The following STAC3 variants were observed in gnomAD, a reference collection of about 807,000 sequenced individuals.
The protein encoded by STAC3 is SH3 and cysteine-rich domain-containing protein 3.
In STAC3, 30 loss-of-function variants were observed where a neutral mutation model predicts 48.5. That is an observed-to-expected ratio of 0.62 (90% confidence interval 0.46 to 0.84). The LOEUF (loss-of-function observed/expected upper bound fraction) is 0.84, where lower values mean the gene tolerates loss of function less well. Ranked by LOEUF, STAC3 falls within the 40% of genes least tolerant of loss-of-function variation. The pLI is 0.00. For synonymous variants in STAC3, 144 were observed against 158.6 expected, an observed-to-expected ratio of 0.91 and a Z score of 0.69; for missense variants, 419 against 462.6, an observed-to-expected ratio of 0.91 and a Z score of 0.86.
At chr12:57,247,684 A>G (rs1359273177) in intron 5 of STAC3, among the ~76,000 whole-genome samples, 1 of 152,008 alleles carries the variant, frequency 6.6e-6, no homozygotes, top group East Asian at 1.9e-4. Context: ...CGGCCTCCCA[A>G]AGTGCTGGGA....
At chr12:57,248,463 C>G (rs2037815028) in intron 4 of STAC3, 1 of 575,206 alleles carries the variant, frequency 1.7e-6, no homozygotes, top group African/African-American at 1.9e-5. Flanking sequence ...ACTGCAAGCT[C>G]CGCCTCCCGA....
At chr12:57,248,086 A>G (rs377651818) in intron 5 of STAC3, 40 bp downstream of exon 5, 1 of 1,556,178 alleles carries the variant, frequency 6.4e-7, no homozygotes, top group African/African-American at 1.4e-5. Flanking sequence ...AACCATCTCT[A>G]GGCTTGCCCA....
Position 57,244,564 on chromosome 12 carries a change from G to A in STAC3, c.779C>T (p.Ala260Val), listed in dbSNP as rs746895290. The change falls in exon 9 of 12, where the codon GCC becomes GTC. Residue 260 changes from alanine (A) to valine (V), a missense_variant. By Grantham distance (64) the Ala-to-Val change is moderately conservative (BLOSUM62 0). Transcript: ENST00000332782. ...HYFVALYRFK[A>V]LEKDDLDFPP... ...GAAATCCAGATCGTCCTTCTCCAGG[G>A]CTTTGAACCGATAGAGAGCCACAAA... The A allele has an allele frequency of 1.1e-5, 17 of 1,614,194 alleles. No homozygotes were observed. Among genetic ancestry groups the A allele is most frequent in the East Asian group, 4.5e-5 (2 of 44,882 alleles).
In STAC3 at chr12:57,244,224, C is replaced by A; in HGVS notation, c.860G>T (p.Gly287Val). Residue 287 changes from glycine (G) to valine (V), a missense_variant and splice_region_variant, in exon 11 of 12, where the codon GGG (glycine) becomes GTG (valine). Transcript: ENST00000332782. ...AAATCCGACCTTCTCCCCGATTTTC[C>A]CCTAGGGAAGATAGTAGGGAGAGTC... ...IDDSNEEWWR[G>V]KIGEKVGFFP... 1 of 1,614,186 alleles carries A rather than the reference C, an allele frequency of 6.2e-7. No individual in the cohort carries two copies. The highest frequency in any genetic ancestry group is 8.5e-7 in the Non-Finnish European group (1 of 1,180,040).
chr12:57,243,545 C>T lies in STAC3; in HGVS notation c.*267G>A, dbSNP rs1424622812. 1 of 450,656 alleles carries T rather than the reference C, an allele frequency of 2.2e-6. No homozygotes were observed. The highest frequency in any genetic ancestry group is 4.4e-6 in the Non-Finnish European group (1 of 227,532). The allele number at this position is 450,656 out of a possible 1,614,324, so 27.9% of individuals were successfully genotyped here. The stretch of plus-strand genomic sequence containing the variant: ...CCCCCCGCCCCAGTCCCTGGCTCCT[C>T]CTAGTAGATACGCGTTTTTTTCCAG... On this transcript the variant is annotated 3_prime_UTR_variant, in exon 12 of 12. Transcript: ENST00000332782.
In STAC3 at chr12:57,245,136, A is replaced by G; in HGVS notation, c.670+9T>C. The G allele has an allele frequency of 1.9e-6, 3 of 1,613,622 alleles. No individual in the cohort carries two copies. The highest frequency in any genetic ancestry group is 2.5e-6 in the Non-Finnish European group (3 of 1,179,662). ...ACTCCATCTCTGGATGGAGGTGGGTAACACTCACCATCCTGGGGTTTGCCT... is the reference window on the plus strand; with the variant it reads ...ACTCCATCTCTGGATGGAGGTGGGTGACACTCACCATCCTGGGGTTTGCCT... On this transcript the variant is annotated intron_variant, in intron 7 of 11. Transcript: ENST00000332782.
chr12:57,243,559 GT>G lies in STAC3; in HGVS notation c.*252del, dbSNP rs529140972. The G allele has an allele frequency of 4.1e-4, 276 of 674,582 alleles. 3 individuals are homozygous for G. In the East Asian group the frequency reaches 7.7e-3, roughly 19 times the overall value. The allele number at this position is 674,582 out of a possible 1,614,324, so 41.8% of individuals were successfully genotyped here. A position where few individuals can be genotyped will look rare whatever the true frequency, so the allele number is the denominator to read the frequency against. On this transcript the variant is annotated 3_prime_UTR_variant, in exon 12 of 12. Coordinates refer to ENST00000332782, the MANE Select transcript of STAC3 (RefSeq NM_145064.3). ...CCCTGGCTCCTCCTAGTAGATACGC[GT>G]TTTTTTCCAGCTCTTGCAAGCGGGG...
At position 57,250,155 on chromosome 12, in the gene STAC3, T is replaced by C. The variant is rs1228157356; in HGVS notation, c.-1-518A>G. ...CTGTAATCCCAGCACTTTGGGAGGCTGAGGCAGGCGGATCACTAGAGATCA... is the reference window on the plus strand; with the variant it reads ...CTGTAATCCCAGCACTTTGGGAGGCCGAGGCAGGCGGATCACTAGAGATCA... On this transcript the variant is annotated intron_variant, in intron 1 of 11. Transcript: ENST00000332782. Among the ~76,000 whole-genome samples the C allele has an allele frequency of 3.3e-5, 5 of 151,988 alleles. No individual in the cohort carries two copies. The East Asian group carries it at 9.6e-4, about 29-fold the overall frequency.
At position 57,251,155 on chromosome 12, in the gene STAC3, C is replaced by T; in HGVS notation, c.-164G>A. 1 of 455,200 alleles carries T rather than the reference C, an allele frequency of 2.2e-6. No individual in the cohort carries two copies. The highest frequency in any genetic ancestry group is 4.4e-6 in the Non-Finnish European group (1 of 226,738). 28.2% of individuals were successfully genotyped at this position (455,200 alleles called of 1,614,324 possible). On this transcript the variant is annotated 5_prime_UTR_variant, in exon 1 of 12. Transcript: ENST00000332782. ...TACCCAGTCGCTATTTGTAGACCTCCTAGCCTCCTGCCTTGGTGTCAGGGC... is the reference window on the plus strand; with the variant it reads ...TACCCAGTCGCTATTTGTAGACCTCTTAGCCTCCTGCCTTGGTGTCAGGGC...
chr12:57,245,113 T>C (rs1486441356), intron 7 of STAC3, 32 bp downstream of exon 7: 1 of 1,613,250 alleles, frequency 6.2e-7, no homozygotes, highest in Non-Finnish European at 8.5e-7. Flanking sequence ...CTGATCCTAC[T>C]CCATCTCTGG....
chr12:57,247,422 ATTATTATTTTTT>A (rs1258359381), intron 5 of STAC3, among the ~76,000 whole-genome samples: 7,576 of 67,454 alleles, frequency 0.11, 162 homozygotes, highest in East Asian at 0.2. Flanking sequence ...TATTATTATT[ATTATTATTTTTT>A]TTTTTTTTTT....
Position 57,249,053 on chromosome 12 carries a change from G to A in STAC3, c.322C>T (p.Arg108Trp), listed in dbSNP as rs1293466371. 6.9e-6 allele frequency: 11 copies of A among 1,593,514 alleles called. No individual in the cohort carries two copies. The highest frequency in any genetic ancestry group is 2.3e-5 in the South Asian group (2 of 87,282). ...KKPKFCDVCA[R>W]MIVLNNKFGL... is the part of the protein sequence containing the mutation. ...CTTCATGACTCACGAACAATCATCC[G>A]GGCACAGACATCACAGAACTTTGGC... The change falls in exon 3 of 12, where the codon CGG (arginine) becomes TGG (tryptophan). Residue 108 changes from arginine to tryptophan, a missense_variant. Physicochemically the swap from Arg to Trp is moderately radical, Grantham distance 101. Coordinates refer to ENST00000332782, the MANE Select transcript of STAC3 (RefSeq NM_145064.3).
At chr12:57,250,347 G>A (rs954359019) in intron 1 of STAC3, among the ~76,000 whole-genome samples, 1 of 131,962 alleles carries the variant, frequency 7.6e-6, no homozygotes, top group Non-Finnish European at 1.5e-5. Flanking sequence ...CCGGGATTGT[G>A]CCACTGCCCT....
chr12:57,244,925 A>G lies in STAC3; in HGVS notation c.711T>C (p.Pro237=), dbSNP rs1449910854. 1.2e-6 allele frequency: 2 copies of G among 1,614,160 alleles called. No homozygotes were observed. Among genetic ancestry groups the G allele is most frequent in the African/African-American group, 1.3e-5 (1 of 75,028 alleles). The change falls in exon 8 of 12, where the codon CCT becomes CCC. Residue 237 remains proline (P), a synonymous_variant. Transcript: ENST00000332782. The stretch of plus-strand genomic sequence containing the variant: ...GAGGAAGGATTCTTACCTTGTCATC[A>G]GGTGTCTTCTTCTCAGCCTTCTTAT... ...EGDKKAEKKT[P]DDKHKQPGFQ... is the part of the protein sequence containing the mutation.
chr12:57,245,118 C>T, intron 7 of STAC3, 27 bp downstream of exon 7: 1 of 1,613,686 alleles, frequency 6.2e-7, no homozygotes, highest in South Asian at 1.1e-5. Flanking sequence ...CCTACTCCAT[C>T]TCTGGATGGA....
intron 6 of STAC3, among the ~76,000 whole-genome samples, chr12:57,245,954 A>G (rs2037729647): frequency 6.6e-6 from 1 of 151,906 alleles, no homozygotes; most frequent in African/African-American, 2.4e-5. Flanking sequence ...TACTAAAAAT[A>G]CAAAATTAGC....
Position 57,249,299 on chromosome 12 carries a change from G to A in STAC3, c.76C>T (p.Leu26=), listed in dbSNP as rs758936252. Residue 26 remains leucine, a synonymous_variant, in exon 3 of 12, where the codon CTA becomes TTA. Coordinates refer to ENST00000332782, the MANE Select transcript of STAC3 (RefSeq NM_145064.3). ...AETRQSGLQR[L]KQLLRKGSTG... ...GAACCCTTCCTGAGTAACTGCTTTAGCCGCTGTAGCTGAGGGAGGGAGTGA... is the reference window on the plus strand; with the variant it reads ...GAACCCTTCCTGAGTAACTGCTTTAACCGCTGTAGCTGAGGGAGGGAGTGA... 1 of 1,586,932 alleles carries A rather than the reference G, an allele frequency of 6.3e-7. No homozygotes were observed. Among genetic ancestry groups the A allele is most frequent in the African/African-American group, 1.4e-5 (1 of 73,852 alleles).
chr12:57,249,476 T>C (rs1255909617), intron 2 of STAC3, 95 bp downstream of exon 2: 4 of 1,542,996 alleles, frequency 2.6e-6, no homozygotes, highest in Non-Finnish European at 3.5e-6. Context: ...CAGCAAAAAA[T>C]GAGTCACACA....
intron 1 of STAC3, among the ~76,000 whole-genome samples, 162 bp downstream of exon 1, chr12:57,250,831 C>G (rs2136840465): frequency 6.7e-6 from 1 of 149,326 alleles, no homozygotes; most frequent in South Asian, 2.2e-4. Flanking sequence ...ACCCCCACCC[C>G]CCGCTTCAAT....
Sources: gnomAD v4.1 joint callset for allele counts (sites outside exome capture counted in the v4.1 genomes callset) on GRCh38, gnomAD v4.1.1 for gene constraint, MANE v1.5 for transcripts, NCBI Gene and HGNC (gene_info 2026-07-23, HGNC 2026-07-21) for gene names.